The following TRIM14 variants were observed in gnomAD, a reference collection of about 807,000 sequenced individuals.
The protein encoded by TRIM14 is tripartite motif containing 14.
In TRIM14, 28 loss-of-function variants were observed where a neutral mutation model predicts 44.5. The observed-to-expected ratio is 0.63, with a 90% CI of 0.47 to 0.86. The LOEUF is 0.86. Ranked by LOEUF, TRIM14 falls within the 40% of genes least tolerant of loss-of-function variation. TRIM14 has a pLI of 0.00. For missense variants in TRIM14, 607 were observed against 611.1 expected (o/e 0.99, Z 0.07); for synonymous variants, 299 against 269.2 (o/e 1.11, Z -1.08).
chr9:98,041,268 AAAACTT>A, the TRIM14 span, among the ~76,000 whole-genome samples: 1 of 152,216 alleles, frequency 6.6e-6, no homozygotes, highest in Non-Finnish European at 1.5e-5. Context: ...CAGGAAAAAA[AAAACTT>A]AAGAACAACT....
the TRIM14 span, among the ~76,000 whole-genome samples, chr9:98,049,743 T>A: frequency 6.6e-6 from 1 of 152,186 alleles, no homozygotes; most frequent in Non-Finnish European, 1.5e-5. Context: ...GTACCCTGTG[T>A]CAACCTCCTG....
intron 6 of TRIM14, among the ~76,000 whole-genome samples, chr9:98,077,815 T>C (rs1380891237): frequency 1.3e-5 from 2 of 152,326 alleles, no homozygotes; most frequent in East Asian, 3.9e-4. Flanking sequence ...CAGGCACAGC[T>C]AGAAGTGGCA....
chr9:98,078,346 C>CG, intron 6 of TRIM14: 1 of 1,613,750 alleles, frequency 6.2e-7, no homozygotes, highest in Non-Finnish European at 8.5e-7. Context: ...CGGGTCATCT[C>CG]GGTGAGCAGG....
intron 3 of TRIM14, among the ~76,000 whole-genome samples, chr9:98,099,711 G>A (rs143823768): frequency 1.3e-5 from 2 of 152,288 alleles, no homozygotes; most frequent in East Asian, 3.9e-4. Context: ...CTTTGAAATT[G>A]GTGGCTGTTA....
At chr9:98,107,371 A>T (rs1355700073) in intron 2 of TRIM14, among the ~76,000 whole-genome samples, 1 of 152,184 alleles carries the variant, frequency 6.6e-6, no homozygotes, top group African/African-American at 2.4e-5. Context: ...CAATAGCCCT[A>T]GACTGTACCA....
intron 2 of TRIM14, among the ~76,000 whole-genome samples, chr9:98,102,148 T>C (rs1191461883): frequency 6.6e-6 from 1 of 152,080 alleles, no homozygotes; most frequent in Admixed American, 6.6e-5. Context: ...AAGCATCCTG[T>C]TACAAGCACT....
In TRIM14 at chr9:98,085,474, T is replaced by C. The variant is rs1448691778; in HGVS notation, c.*1996A>G. 1 of 152,218 alleles carries C rather than the reference T, an allele frequency of 6.6e-6. No individual in the cohort carries two copies. The highest frequency in any genetic ancestry group is 1.9e-4 in the East Asian group (1 of 5,204). The allele number at this position is 152,218 out of a possible 1,614,324, so 9.4% of individuals were successfully genotyped here. ...CATTAAAACAGTGCATTATAAACTA[T>C]TAAGAGCTGTTATTACTTGGCCCCT... is the stretch of plus-strand genomic sequence containing the variant. On this transcript the variant is annotated 3_prime_UTR_variant, in exon 6 of 6. Transcript: ENST00000341469.
At chr9:98,073,608 T>A (rs1459282825) in intron 6 of TRIM14, among the ~76,000 whole-genome samples, 3 of 149,402 alleles carry the variant, frequency 2.0e-5, no homozygotes, top group Non-Finnish European at 4.5e-5. Context: ...TTTTTTCCAA[T>A]CCTGAAGGAT....
At chr9:98,056,341 ACTC>A in the TRIM14 span, among the ~76,000 whole-genome samples, 1 of 151,860 alleles carries the variant, frequency 6.6e-6, no homozygotes, top group African/African-American at 2.4e-5. Context: ...CATAGGCTGG[ACTC>A]GATCCAGCTC....
At chr9:98,088,297 T>C (rs964215256) in intron 5 of TRIM14, among the ~76,000 whole-genome samples, 1 of 152,184 alleles carries the variant, frequency 6.6e-6, no homozygotes, top group African/African-American at 2.4e-5. Context: ...CTGTTAACAT[T>C]AGGGTGTGTG....
At chr9:98,065,656 C>T (rs1587908801), downstream of TRIM14, among the ~76,000 whole-genome samples, 2 of 150,612 alleles carry the variant, frequency 1.3e-5, 1 homozygote, top group South Asian at 4.2e-4. Flanking sequence ...TTTTTTTCCC[C>T]CTGGAGACAG....
chr9:98,091,156 A>G (rs1825980859), intron 5 of TRIM14, among the ~76,000 whole-genome samples: 1 of 152,226 alleles, frequency 6.6e-6, no homozygotes, highest in Non-Finnish European at 1.5e-5. Flanking sequence ...CATTAATTCA[A>G]TTCAACAAAT....
chr9:98,052,908 G>A, the TRIM14 span, among the ~76,000 whole-genome samples: 2 of 152,162 alleles, frequency 1.3e-5, no homozygotes, highest in African/African-American at 2.4e-5. Context: ...TTTAACTAAG[G>A]TCATAACTTA....
chr9:98,059,515 A>G, the TRIM14 span, among the ~76,000 whole-genome samples: 1 of 152,128 alleles, frequency 6.6e-6, no homozygotes, highest in Non-Finnish European at 1.5e-5. Flanking sequence ...CTGGGGATCA[A>G]GCGATCCTCC....
intron 6 of TRIM14, among the ~76,000 whole-genome samples, chr9:98,071,632 T>C (rs1829342251): frequency 6.6e-6 from 1 of 152,188 alleles, no homozygotes; most frequent in Non-Finnish European, 1.5e-5. Flanking sequence ...TGGGTACTTG[T>C]CCTGGCTTTG....
chr9:98,055,277 C>T, the TRIM14 span, among the ~76,000 whole-genome samples: 1 of 152,236 alleles, frequency 6.6e-6, no homozygotes, highest in South Asian at 2.1e-4. Context: ...CCTCAGCCTC[C>T]CAAAGTGCTA....
In TRIM14 at chr9:98,117,263, T is replaced by C. The variant is rs925809875; in HGVS notation, c.207+1719A>G. Among the ~76,000 whole-genome samples, 8 of 151,542 alleles carry C rather than the reference T, an allele frequency of 5.3e-5. No homozygotes were observed. The East Asian group carries it at 1.4e-3, about 26-fold the overall frequency. ...GAATAGGTTTGGTGTTGTTCTGCCA[T>C]AGAGATTCTCTGTTTTATTTATTTA... On this transcript the variant is annotated intron_variant, in intron 1 of 5. Transcript: ENST00000341469.
At chr9:98,092,516 C>T in intron 4 of TRIM14, 1 of 431,708 alleles carries the variant, frequency 2.3e-6, no homozygotes, top group Non-Finnish European at 4.7e-6. Context: ...AAGTGCCTTC[C>T]GCCCCCATCA....
chr9:98,065,336 G>C (rs927999139), downstream of TRIM14, among the ~76,000 whole-genome samples: 2 of 98,610 alleles, frequency 2.0e-5, no homozygotes, highest in African/African-American at 9.5e-5. Flanking sequence ...TTTTGAAACA[G>C]AGTTTCGTTA....
Sources: gnomAD v4.1 joint callset for allele counts (sites outside exome capture counted in the v4.1 genomes callset) on GRCh38, gnomAD v4.1.1 for gene constraint, MANE v1.5 for transcripts, NCBI Gene and HGNC (gene_info 2026-07-23, HGNC 2026-07-21) for gene names.